ZNF718: variants seen among roughly 807,000 people sequenced by gnomAD.
ZNF718 encodes the protein zinc finger protein 718.
A neutral mutation model predicts 2.6 loss-of-function variants in ZNF718; 3 were observed. The ratio of observed to expected loss-of-function variants is 1.16; its 90% CI spans 0.53 to 3.01. The LOEUF is 3.01. Ranked by LOEUF, ZNF718 falls within the 30% of genes most tolerant of loss-of-function variation. ZNF718 has a pLI of 0.03. For missense variants in ZNF718, 468 were observed against 230.0 expected, an observed-to-expected ratio of 2.03 and a Z score of -6.69; for synonymous variants, 135 against 77.9, an observed-to-expected ratio of 1.73 and a Z score of -3.86.
intron 3 of ZNF718, among the ~76,000 whole-genome samples, chr4:172,372 T>C (rs540613618): frequency 6.6e-6 from 1 of 152,346 alleles, no homozygotes; most frequent in African/African-American, 2.4e-5. Flanking sequence ...TAGTCATCTA[T>C]TGGTTGAAAA....
rs367944461 is a variant in ZNF718, at chr4:155,173, T to A, written c.227-5739T>A. On this transcript the variant is annotated intron_variant, in intron 3 of 3. Transcript: ENST00000510175. ...ACAAATGCCTGACTGTCAAGTTTGC[T>A]GCAGGGGTGTGGCCCTCATGGAGAA... Among the ~76,000 whole-genome samples the A allele has an allele frequency of 4.0e-5, 6 of 151,658 alleles. No individual in the cohort carries two copies. In the South Asian group the frequency reaches 6.2e-4, roughly 16 times the overall value.
intron 3 of ZNF718, among the ~76,000 whole-genome samples, chr4:141,196 T>G (rs568721674): frequency 6.6e-6 from 1 of 151,886 alleles, no homozygotes; most frequent in South Asian, 2.1e-4. Flanking sequence ...AAAAAGAGAA[T>G]AGTTTTGTCT....
chr4:146,038 TAA>T (rs1716040526), intron 3 of ZNF718, among the ~76,000 whole-genome samples: 1 of 151,164 alleles, frequency 6.6e-6, no homozygotes, highest in African/African-American at 2.4e-5. Flanking sequence ...ATATCAGAGT[TAA>T]AAGTGATTTA....
At chr4:187,467 C>A (rs577349004) in intron 3 of ZNF718, among the ~76,000 whole-genome samples, 94 of 152,248 alleles carry the variant, frequency 6.2e-4, no homozygotes, top group South Asian at 2.3e-3. Context: ...CCTCAAGATC[C>A]ACCCACCTTA....
At chr4:184,647 T>A (rs1337030027) in intron 3 of ZNF718, among the ~76,000 whole-genome samples, 1 of 152,076 alleles carries the variant, frequency 6.6e-6, no homozygotes, top group African/African-American at 2.4e-5. Context: ...GGTCCTGGGC[T>A]TTTTTTGGTC....
chr4:140,663 G>A (rs1715773615), intron 3 of ZNF718, among the ~76,000 whole-genome samples: 1 of 152,180 alleles, frequency 6.6e-6, no homozygotes, highest in Non-Finnish European at 1.5e-5. Flanking sequence ...AGTAAAACCA[G>A]TAAGTTTCTA....
intron 3 of ZNF718, among the ~76,000 whole-genome samples, chr4:191,923 G>C (rs894469265): frequency 6.6e-6 from 1 of 152,140 alleles, no homozygotes; most frequent in Admixed American, 6.6e-5. Context: ...CATGCAGTCA[G>C]TGTTATAGCT....
At chr4:126,445 G>A (rs1434951442) in intron 1 of ZNF718, among the ~76,000 whole-genome samples, 5 of 152,132 alleles carry the variant, frequency 3.3e-5, no homozygotes, top group East Asian at 1.9e-4. Context: ...TAGGACTTGG[G>A]AACTATTGCT....
At chr4:133,300 C>A (rs554675907) in intron 3 of ZNF718, among the ~76,000 whole-genome samples, 1 of 149,020 alleles carries the variant, frequency 6.7e-6, no homozygotes, top group Non-Finnish European at 1.5e-5. Context: ...ATATCCACTA[C>A]CACAGATAAG....
chr4:147,079 T>C (rs146691216), intron 3 of ZNF718, among the ~76,000 whole-genome samples: 150 of 152,314 alleles, frequency 9.8e-4, no homozygotes, highest in African/African-American at 3.5e-3. Flanking sequence ...CAAGCGATTC[T>C]TTTGCCTCAG....
downstream of ZNF718, among the ~76,000 whole-genome samples, chr4:167,844 C>A (rs532857571): frequency 2.0e-5 from 3 of 152,216 alleles, no homozygotes; most frequent in South Asian, 2.1e-4. Flanking sequence ...TGCTTTATTT[C>A]TTTCTCCTGC....
At chr4:180,050 T>A (rs1245995326) in intron 3 of ZNF718, among the ~76,000 whole-genome samples, 2 of 152,102 alleles carry the variant, frequency 1.3e-5, no homozygotes, top group African/African-American at 2.4e-5. Flanking sequence ...AAAAATAAAA[T>A]TTTAAAAGTG....
downstream of ZNF718, among the ~76,000 whole-genome samples, chr4:164,954 G>C (rs1553816475): frequency 6.6e-6 from 1 of 152,146 alleles, no homozygotes; most frequent in Non-Finnish European, 1.5e-5. Context: ...AATATCTGTG[G>C]TGAAGAAATG....
chr4:126,425 T>C (rs1361828718), intron 1 of ZNF718, among the ~76,000 whole-genome samples: 2 of 152,232 alleles, frequency 1.3e-5, no homozygotes, highest in African/African-American at 2.4e-5. Flanking sequence ...GACTCAGACT[T>C]GTCTTTATCT....
intron 3 of ZNF718, chr4:149,728 GT>G (rs1716230710): frequency 6.6e-6 from 1 of 151,974 alleles, no homozygotes; most frequent in African/African-American, 2.4e-5. Flanking sequence ...GGTCATCAGT[GT>G]TTTCTTGTGT....
chr4:140,410 T>C (rs868984604), intron 3 of ZNF718, among the ~76,000 whole-genome samples: 1 of 152,128 alleles, frequency 6.6e-6, no homozygotes, highest in Admixed American at 6.5e-5. Flanking sequence ...GCCCCAACAT[T>C]GTTTGGAATT....
intron 3 of ZNF718, among the ~76,000 whole-genome samples, chr4:187,851 C>T (rs1371060466): frequency 6.6e-6 from 1 of 152,282 alleles, no homozygotes; most frequent in East Asian, 1.9e-4. Context: ...GCTGAGATGC[C>T]CAAACAGCAA....
chr4:141,536 TG>T (rs1444339253), intron 3 of ZNF718, among the ~76,000 whole-genome samples: 1 of 152,182 alleles, frequency 6.6e-6, no homozygotes, highest in Admixed American at 6.5e-5. Flanking sequence ...GCTTTTTGGA[TG>T]GATCAGAGGG....
chr4:192,608 G>A (rs1421492873), intron 3 of ZNF718, among the ~76,000 whole-genome samples: 1 of 152,122 alleles, frequency 6.6e-6, no homozygotes, highest in Non-Finnish European at 1.5e-5. Context: ...ACTCTTAACT[G>A]CTATCTGCTG....
Sources: allele counts gnomAD v4.1 joint callset (sites outside exome capture counted in the v4.1 genomes callset), GRCh38; gene constraint gnomAD v4.1.1; transcripts MANE v1.5; gene names NCBI Gene and HGNC (gene_info 2026-07-23, HGNC 2026-07-21).